ANKRD28: variants seen among roughly 807,000 people sequenced by gnomAD.
ANKRD28 encodes ankyrin repeat domain 28, also known as serine/threonine-protein phosphatase 6 regulatory ankyrin repeat subunit A.
A neutral mutation model predicts 126.5 loss-of-function variants in ANKRD28; 44 were observed. The observed-to-expected ratio is 0.35, with a 90% CI of 0.27 to 0.45. ANKRD28 has a LOEUF of 0.45. Ranked by LOEUF, ANKRD28 falls within the 20% of genes least tolerant of loss-of-function variation. The pLI, the probability that ANKRD28 is intolerant of heterozygous loss-of-function variation, is 1.00. For synonymous variants in ANKRD28, 442 were observed against 468.5 expected, an observed-to-expected ratio of 0.94 and a Z score of 0.73; for missense variants, 1,110 against 1,316.6, an observed-to-expected ratio of 0.84 and a Z score of 2.43.
chr3:15,845,522 C>G lies in ANKRD28; in HGVS notation c.27+13855G>C, dbSNP rs937106221. The stretch of plus-strand genomic sequence containing the variant: ...GCTAGTTTCTAACTACCTGCCTATG[C>G]CTTGGATTAGGCTACTTATTAGATC... On this transcript the variant is annotated intron_variant, in intron 1 of 27. Coordinates refer to the ANKRD28 transcript ENST00000399451. This position sits in a 1 kb window ranked among gnomAD's most constrained non-coding sequence, Gnocchi z 4.9. Among the ~76,000 whole-genome samples the G allele has an allele frequency of 4.6e-5, 7 of 152,160 alleles. No homozygotes were observed. Among genetic ancestry groups the G allele is most frequent in the Non-Finnish European group, 8.8e-5 (6 of 68,032 alleles).
At chr3:15,727,087 A>C (rs1219064493) in intron 6 of ANKRD28, among the ~76,000 whole-genome samples, 1 of 152,238 alleles carries the variant, frequency 6.6e-6, no homozygotes, top group Non-Finnish European at 1.5e-5. Flanking sequence ...GCTCTTACAG[A>C]CAAGGAGATT....
At chr3:15,747,643 T>G (rs543208190) in intron 4 of ANKRD28, among the ~76,000 whole-genome samples, 3 of 152,232 alleles carry the variant, frequency 2.0e-5, no homozygotes, top group African/African-American at 7.2e-5. Flanking sequence ...ACATTTCATG[T>G]GCTGATGAAT....
chr3:15,707,837 A>G, intron 14 of ANKRD28, 87 bp downstream of exon 14: 3 of 1,477,250 alleles, frequency 2.0e-6, no homozygotes, highest in Non-Finnish European at 2.8e-6. Flanking sequence ...ACAAAGAGGA[A>G]ACACAAATTT....
intron 3 of ANKRD28, among the ~76,000 whole-genome samples, chr3:15,761,606 G>T (rs2058461143): frequency 6.6e-6 from 1 of 152,080 alleles, no homozygotes; most frequent in South Asian, 2.1e-4. Flanking sequence ...ACTATATATT[G>T]TCTGAAGACT....
At chr3:15,836,841 A>G (rs2125953998) in intron 1 of ANKRD28, among the ~76,000 whole-genome samples, 1 of 152,240 alleles carries the variant, frequency 6.6e-6, no homozygotes, top group Admixed American at 6.5e-5. Flanking sequence ...CACACCTGTA[A>G]TAACAGGCCG....
chr3:15,759,768 G>A (rs541195858), intron 3 of ANKRD28, among the ~76,000 whole-genome samples: 14 of 152,294 alleles, frequency 9.2e-5, no homozygotes, highest in East Asian at 5.8e-4. Flanking sequence ...TGAGTCAAGC[G>A]AAGCTTCTTC....
intron 12 of ANKRD28, among the ~76,000 whole-genome samples, chr3:15,710,036 G>GTTTTTTT (rs34686530): frequency 6.8e-6 from 1 of 146,336 alleles, no homozygotes; most frequent in African/African-American, 2.5e-5. Context: ...TTGCTTATAG[G>GTTTTTTT]TTTTTTTTTT....
chr3:15,779,290 G>T (rs1279813277), intron 2 of ANKRD28, among the ~76,000 whole-genome samples: 14 of 152,278 alleles, frequency 9.2e-5, no homozygotes, highest in Admixed American at 3.9e-4. Flanking sequence ...GCAGGGAGAA[G>T]AAATTATGCA....
At chr3:15,792,004 T>A (rs960385432) in intron 2 of ANKRD28, among the ~76,000 whole-genome samples, 1 of 152,098 alleles carries the variant, frequency 6.6e-6, no homozygotes, top group Admixed American at 6.5e-5. Context: ...TCACTAATCA[T>A]CAGATATCCA....
intron 1 of ANKRD28, among the ~76,000 whole-genome samples, chr3:15,835,415 T>G (rs1419371565): frequency 6.6e-6 from 1 of 152,190 alleles, no homozygotes; most frequent in African/African-American, 2.4e-5. Flanking sequence ...TTTAATTGCC[T>G]GAAACAATAG....
At chr3:15,681,136 GTTTA>G (rs2067498354) in intron 21 of ANKRD28, among the ~76,000 whole-genome samples, 1 of 152,014 alleles carries the variant, frequency 6.6e-6, no homozygotes, top group African/African-American at 2.4e-5. Flanking sequence ...GTACAAAATG[GTTTA>G]TTTGTGTATA....
At chr3:15,682,144 G>A (rs2125716437) in intron 21 of ANKRD28, among the ~76,000 whole-genome samples, 1 of 152,144 alleles carries the variant, frequency 6.6e-6, no homozygotes, top group African/African-American at 2.4e-5. Context: ...GCTATGAAGA[G>A]ATGTACTACT....
In ANKRD28 at chr3:15,707,999, C is replaced by T; in HGVS notation, c.1472G>A (p.Gly491Glu). Residue 491 changes from glycine (G) to glutamate (E), a missense_variant, in exon 14 of 28, where the codon GGA (glycine) becomes GAA (glutamate). By Grantham distance (98) the Gly-to-Glu change is moderately conservative. Coordinates refer to ENST00000683139, the MANE Select transcript of ANKRD28 (RefSeq NM_001349278.2). ...YQCLFALVGSGASVNDLDERG... is the reference protein window; with the variant it reads ...YQCLFALVGSEASVNDLDERG... ...TTCATCAAGGTCATTCACACTTGCT[C>T]CTGATCCCACAAGAGCAAACAGGCA... 1 of 1,611,674 alleles carries T rather than the reference C, an allele frequency of 6.2e-7. No individual in the cohort carries two copies. The highest frequency in any genetic ancestry group is 8.5e-7 in the Non-Finnish European group (1 of 1,178,992).
At chr3:15,848,382 A>T (rs886198232) in intron 1 of ANKRD28, among the ~76,000 whole-genome samples, 3 of 152,216 alleles carry the variant, frequency 2.0e-5, no homozygotes, top group Non-Finnish European at 2.9e-5. Context: ...CATGTTTAAG[A>T]AGCTAACAAT....
chr3:15,750,162 A>AT (rs2057770874), intron 4 of ANKRD28, among the ~76,000 whole-genome samples: 1 of 152,212 alleles, frequency 6.6e-6, no homozygotes, highest in Non-Finnish European at 1.5e-5. Context: ...GCAAATATAT[A>AT]AATTGTACCT....
At position 15,796,628 on chromosome 3, in the gene ANKRD28, G is replaced by C. The variant is rs1050610100; in HGVS notation, c.-107C>G. 2 of 1,033,364 alleles carry C rather than the reference G, an allele frequency of 1.9e-6. No individual in the cohort carries two copies. Among genetic ancestry groups the C allele is most frequent in the Non-Finnish European group, 2.3e-6 (2 of 856,390 alleles). The allele number at this position is 1,033,364 out of a possible 1,614,324, so 64.0% of individuals were successfully genotyped here. A position where few individuals can be genotyped will look rare whatever the true frequency, so the allele number is the denominator to read the frequency against. On this transcript the variant is annotated 5_prime_UTR_variant, in exon 1 of 28. Coordinates refer to ENST00000683139, the MANE Select transcript of ANKRD28 (RefSeq NM_001349278.2). The stretch of plus-strand genomic sequence containing the variant: ...TGTACAACACTTACAAACATTCTCT[G>C]AACAGCACAGCTGGGTTTTTTTTTT...
chr3:15,770,434 T>G (rs1559502926), intron 2 of ANKRD28, among the ~76,000 whole-genome samples: 1 of 150,816 alleles, frequency 6.6e-6, no homozygotes, highest in African/African-American at 2.4e-5. Flanking sequence ...ATATATTAGA[T>G]AGCATTACTG....
chr3:15,739,818 TG>T (rs1181763894), intron 4 of ANKRD28, among the ~76,000 whole-genome samples: 4 of 152,200 alleles, frequency 2.6e-5, no homozygotes, highest in Non-Finnish European at 4.4e-5. Flanking sequence ...TTAACAGGGA[TG>T]GCAAAAGACT....
chr3:15,757,336 T>C (rs542048452), intron 3 of ANKRD28, among the ~76,000 whole-genome samples: 3 of 152,286 alleles, frequency 2.0e-5, no homozygotes, highest in South Asian at 2.1e-4. Context: ...CTCCACATTG[T>C]TCAAGGGTCA....
Sources: gnomAD v4.1 joint callset for allele counts (sites outside exome capture counted in the v4.1 genomes callset) on GRCh38, gnomAD v4.1.1 for gene constraint, Gnocchi (gnomAD v3.1) non-coding constraint, MANE v1.5 for transcripts, NCBI Gene and HGNC (gene_info 2026-07-23, HGNC 2026-07-21) for gene names.